The following ELMO2 variants were observed in gnomAD, a reference collection of about 807,000 sequenced individuals.
ELMO2 encodes engulfment and cell motility protein 2.
Under a neutral mutation model 96.2 loss-of-function variants are expected in ELMO2, and 37 were observed. The observed-to-expected ratio is 0.38, with a 90% CI of 0.30 to 0.51. The LOEUF is 0.51. Among genes scored for constraint, ELMO2 ranks in the 20% least tolerant of loss-of-function variants. The probability of loss-of-function intolerance (pLI) is 0.88; values close to 1 mark genes in which losing one functional copy is unlikely to be tolerated. For synonymous variants in ELMO2, 315 were observed against 329.4 expected, an observed-to-expected ratio of 0.96 and a Z score of 0.47; for missense variants, 561 against 912.6, an observed-to-expected ratio of 0.61 and a Z score of 4.96.
intron 4 of ELMO2, 122 bp downstream of exon 4, chr20:46,393,927 C>G: frequency 7.6e-7 from 1 of 1,317,186 alleles, no homozygotes; most frequent in Non-Finnish European, 1.1e-6. Flanking sequence ...ACAATGATTC[C>G]CAAGACCCCC....
intron 1 of ELMO2, among the ~76,000 whole-genome samples, chr20:46,399,175 G>A (rs941453389): frequency 2.0e-4 from 30 of 152,274 alleles, no homozygotes; most frequent in Admixed American, 5.2e-4. Context: ...CACCTGACCC[G>A]CAGCAGGTGC....
At position 46,388,962 on chromosome 20, in the gene ELMO2, G is replaced by A. The variant is rs10427436; in HGVS notation, c.425+77C>T. The A allele has an allele frequency of 1.8e-3, 2,623 of 1,482,066 alleles. 44 individuals carry two copies. The African/African-American group carries it at 0.033, about 18-fold the overall frequency. The allele number at this position is 1,482,066 out of a possible 1,614,324, so 91.8% of individuals were successfully genotyped here. A position where few individuals can be genotyped will look rare whatever the true frequency, so the allele number is the denominator to read the frequency against. ...TCAATAAACTCCTTATTTGACTCAA[G>A]GGAAATGAGACTAGGATGCCCTGTG... is the stretch of plus-strand genomic sequence containing the variant. On this transcript the variant is annotated intron_variant, in intron 7 of 21. Transcript: ENST00000290246.
In ELMO2 at chr20:46,367,345, T is replaced by C; in HGVS notation, c.*15A>G. On this transcript the variant is annotated 3_prime_UTR_variant, in exon 22 of 22. Transcript: ENST00000290246. ...AAATCCCTTCTCCTGGGTACCGTCG[T>C]TTCTGGCTCCAGGCTCAGCCATAGT... 6.7e-7 allele frequency: 1 copy of C among 1,487,842 alleles called. No individual in the cohort carries two copies. The allele number at this position is 1,487,842 out of a possible 1,614,324, so 92.2% of individuals were successfully genotyped here.
rs2060044795 is a variant in ELMO2, at chr20:46,386,396, G to A, written c.526-121C>T. 2.9e-6 allele frequency: 4 copies of A among 1,364,042 alleles called. No individual in the cohort carries two copies. In the East Asian group the frequency reaches 7.0e-5, roughly 24 times the overall value. The allele number at this position is 1,364,042 out of a possible 1,614,324, so 84.5% of individuals were successfully genotyped here. On this transcript the variant is annotated intron_variant, in intron 8 of 21. Transcript: ENST00000290246. ...CACATTTGGGCAGCTGTTGCTAGGT[G>A]GATAGTGGTATCTGGTTTACGGCTA...
intron 6 of ELMO2, 37 bp downstream of exon 6, chr20:46,393,056 G>A (rs139866160): frequency 1.2e-5 from 19 of 1,593,014 alleles, no homozygotes; most frequent in East Asian, 2.2e-5. Flanking sequence ...ATTTGTTTGT[G>A]ACATGAATAA....
chr20:46,370,370 TG>T, intron 20 of ELMO2, 72 bp downstream of exon 20: 1 of 1,396,728 alleles, frequency 7.2e-7, no homozygotes, highest in Non-Finnish European at 1.0e-6. Flanking sequence ...AGAATGCACC[TG>T]GAAAAAACCA....
chr20:46,403,510 C>T lies in ELMO2; in HGVS notation c.-126+3038G>A, dbSNP rs781100452. ...GGGTCTGTAACACTGCAAAGTACCACCTTGCCTAGAGGAGTTTAAATCCAA... is the reference window on the plus strand; with the variant it reads ...GGGTCTGTAACACTGCAAAGTACCATCTTGCCTAGAGGAGTTTAAATCCAA... On this transcript the variant is annotated intron_variant, in intron 1 of 21. Transcript: ENST00000290246. Among the ~76,000 whole-genome samples, 72 of 152,214 alleles carry T rather than the reference C, an allele frequency of 4.7e-4. 1 individual carries two copies. The highest frequency in any genetic ancestry group is 2.2e-4 in the Non-Finnish European group (15 of 68,042).
Position 46,376,668 on chromosome 20 carries a change from C to T in ELMO2, c.808-878G>A, listed in dbSNP as rs1488250214. 17 of 1,289,600 alleles carry T rather than the reference C, an allele frequency of 1.3e-5. No homozygotes were observed. In the South Asian group the frequency reaches 1.9e-4, roughly 14 times the overall value. 79.9% of individuals were successfully genotyped at this position (1,289,600 alleles called of 1,614,324 possible). A position where few individuals can be genotyped will look rare whatever the true frequency, so the allele number is the denominator to read the frequency against. ...CCACAATATCCTGCTTCCCTTCTTG[C>T]TCCCTTGTATTTGTCACTCCCTCTG... On this transcript the variant is annotated intron_variant, in intron 11 of 21. Coordinates refer to ENST00000290246, the MANE Select transcript of ELMO2 (RefSeq NM_133171.5).
Position 46,371,714 on chromosome 20 carries a change from T to C in ELMO2, c.1581-23A>G. 1 of 1,613,518 alleles carries C rather than the reference T, an allele frequency of 6.2e-7. No homozygotes were observed. Among genetic ancestry groups the C allele is most frequent in the Non-Finnish European group, 8.5e-7 (1 of 1,179,870 alleles). ...TCCCTGGGGTGGACACACACTGGAG[T>C]GAGCGGAAGGTCATGGGGACAGTGG... On this transcript the variant is annotated intron_variant, in intron 17 of 21. Coordinates refer to ENST00000290246, the MANE Select transcript of ELMO2 (RefSeq NM_133171.5). The surrounding 1 kb of genome is among the most constrained non-coding windows in gnomAD (Gnocchi z 5.9).
chr20:46,373,377 A>C (rs1369832463), intron 16 of ELMO2, 22 bp downstream of exon 16: 9 of 1,613,750 alleles, frequency 5.6e-6, no homozygotes, highest in African/African-American at 1.3e-5. Flanking sequence ...CGTGGGCCTC[A>C]GAGCAGCCCG....
chr20:46,385,581 A>T (rs758359281), intron 9 of ELMO2, among the ~76,000 whole-genome samples: 1 of 152,204 alleles, frequency 6.6e-6, no homozygotes, highest in African/African-American at 2.4e-5. Flanking sequence ...TATGCAGAAG[A>T]GCCTGGATTT....
chr20:46,377,035 T>G (rs1387700113), intron 11 of ELMO2: 1 of 299,296 alleles, frequency 3.3e-6, no homozygotes, highest in Admixed American at 4.7e-5. Context: ...GCGCTCTGAC[T>G]TTAGAGAGGT....
intron 9 of ELMO2, among the ~76,000 whole-genome samples, chr20:46,385,267 G>T (rs531442837): frequency 1.3e-5 from 2 of 152,324 alleles, no homozygotes; most frequent in East Asian, 3.9e-4. Context: ...CATGGTGTAG[G>T]TTGGTTGGAA....
chr20:46,380,210 T>A (rs1600844400), intron 11 of ELMO2, 43 bp downstream of exon 11: 2 of 1,487,622 alleles, frequency 1.3e-6, no homozygotes, highest in East Asian at 4.5e-5. Flanking sequence ...CAGTAATAAT[T>A]GTTGTTAATA....
chr20:46,373,268 G>A (rs972495963), intron 16 of ELMO2, 131 bp downstream of exon 16: 71 of 1,286,692 alleles, frequency 5.5e-5, no homozygotes, highest in Middle Eastern at 2.8e-4. Context: ...CAGTGCCTCA[G>A]TCTTGTGACT....
intron 8 of ELMO2, 55 bp from the exon 9 acceptor site, chr20:46,386,330 A>G: frequency 6.3e-7 from 1 of 1,598,128 alleles, no homozygotes; most frequent in Middle Eastern, 1.7e-4. Context: ...GAAAGATAGA[A>G]GCTTAGCATC....
rs1161442521 is a variant in ELMO2 at position 46,371,273 on chromosome 20, G to C, written c.1801+79C>G. 1 of 1,404,792 alleles carries C rather than the reference G, an allele frequency of 7.1e-7. No individual in the cohort carries two copies. The highest frequency in any genetic ancestry group is 1.0e-6 in the Non-Finnish European group (1 of 998,376). 87.0% of individuals were successfully genotyped at this position (1,404,792 alleles called of 1,614,324 possible). A position where few individuals can be genotyped will look rare whatever the true frequency, so the allele number is the denominator to read the frequency against. ...TAACAGGTACAAGCCCAGATGATCA[G>C]CTACAAACAGCTGGACTAGAACTCC... is the stretch of plus-strand genomic sequence containing the variant. On this transcript the variant is annotated intron_variant, in intron 19 of 21. Transcript: ENST00000290246. The surrounding 1 kb of genome is among the most constrained non-coding windows in gnomAD (Gnocchi z 5.9).
intron 7 of ELMO2, chr20:46,387,653 A>AG (rs55680714): frequency 1.4e-5 from 3 of 211,502 alleles, no homozygotes; most frequent in African/African-American, 6.9e-5. Flanking sequence ...AAAAAAAAAA[A>AG]TGTTGCTGGG....
intron 1 of ELMO2, among the ~76,000 whole-genome samples, chr20:46,401,043 T>G (rs751384786): frequency 1.8e-4 from 28 of 152,230 alleles, no homozygotes; most frequent in Non-Finnish European, 3.2e-4. Flanking sequence ...GGATGTGTAC[T>G]TTTTGTTCAG....
Sources: allele counts gnomAD v4.1 joint callset (sites outside exome capture counted in the v4.1 genomes callset), GRCh38; gene constraint gnomAD v4.1.1; non-coding constraint Gnocchi (gnomAD v3.1); transcripts MANE v1.5; gene names NCBI Gene and HGNC (gene_info 2026-07-23, HGNC 2026-07-21).